Variants in SGCZ observed in about 807,000 individuals in gnomAD.
The protein encoded by SGCZ is sarcoglycan zeta, also known as zeta-sarcoglycan.
Under a neutral mutation model 41.3 loss-of-function variants are expected in SGCZ, and 40 were observed. The ratio of observed to expected loss-of-function variants is 0.97; its 90% CI spans 0.75 to 1.26. The LOEUF (loss-of-function observed/expected upper bound fraction) is 1.26, where lower values mean the gene tolerates loss of function less well. SGCZ is among the 50% of genes most tolerant of loss of function. SGCZ has a pLI of 0.00. For synonymous variants in SGCZ, 206 were observed against 137.5 expected (o/e 1.50, Z -3.49); for missense variants, 552 against 369.8 (o/e 1.49, Z -4.04).
At chr8:14,878,716 C>T (rs915744367) in intron 1 of SGCZ, among the ~76,000 whole-genome samples, 2 of 152,108 alleles carry the variant, frequency 1.3e-5, no homozygotes, top group Non-Finnish European at 2.9e-5. Context: ...CCTGTGGTGT[C>T]TAAGAGGCAA....
intron 2 of SGCZ, among the ~76,000 whole-genome samples, chr8:14,520,155 C>T (rs1281711362): frequency 6.6e-6 from 1 of 152,084 alleles, no homozygotes. Context: ...AATACATTAG[C>T]AAGTTGCAAT....
intron 1 of SGCZ, among the ~76,000 whole-genome samples, chr8:14,576,141 G>A (rs1804704851): frequency 6.6e-6 from 1 of 152,100 alleles, no homozygotes; most frequent in Non-Finnish European, 1.5e-5. Flanking sequence ...TAACTTGTAT[G>A]TGAGATTTGT....
At chr8:15,169,085 A>G (rs1318262167) in intron 1 of SGCZ, among the ~76,000 whole-genome samples, 1 of 152,194 alleles carries the variant, frequency 6.6e-6, no homozygotes, top group Non-Finnish European at 1.5e-5. Flanking sequence ...AACTCTAGTC[A>G]TGCAACCATA....
At chr8:14,475,670 T>C (rs1004610839) in intron 2 of SGCZ, among the ~76,000 whole-genome samples, 1 of 152,176 alleles carries the variant, frequency 6.6e-6, no homozygotes. Context: ...TTTCAGAATC[T>C]TTTAATGAGG....
chr8:15,102,439 A>G (rs558339034), intron 1 of SGCZ, among the ~76,000 whole-genome samples: 6 of 152,354 alleles, frequency 3.9e-5, no homozygotes, highest in African/African-American at 1.4e-4. Flanking sequence ...ATACTGTAAT[A>G]ATGAATAAAT....
intron 4 of SGCZ, among the ~76,000 whole-genome samples, chr8:14,208,033 G>C (rs1805674735): frequency 6.6e-6 from 1 of 152,116 alleles, no homozygotes; most frequent in Admixed American, 6.6e-5. Flanking sequence ...CCTACAAACA[G>C]AAAATGAAGT....
chr8:15,184,209 C>T (rs1053474506), intron 1 of SGCZ, among the ~76,000 whole-genome samples: 1 of 152,098 alleles, frequency 6.6e-6, no homozygotes, highest in African/African-American at 2.4e-5. Context: ...TATATACTGT[C>T]ACTAGTAGAA....
At chr8:14,627,617 T>C (rs1479214411) in intron 1 of SGCZ, among the ~76,000 whole-genome samples, 1 of 152,018 alleles carries the variant, frequency 6.6e-6, no homozygotes, top group Admixed American at 6.6e-5. Context: ...TTATTCCTAA[T>C]TTTAGATTTC....
chr8:14,434,671 G>A (rs1800037217), intron 2 of SGCZ, among the ~76,000 whole-genome samples: 1 of 152,080 alleles, frequency 6.6e-6, no homozygotes, highest in Admixed American at 6.6e-5. Context: ...ATTCCTTGTA[G>A]GGGTCTTTTA....
At position 14,106,272 on chromosome 8, in the gene SGCZ, A is replaced by G. The variant is rs2116994900; in HGVS notation, c.620+1891T>C. On this transcript the variant is annotated intron_variant, in intron 6 of 7. Transcript: ENST00000382080. ...TTTGTTAGGAGAAGAAAGATACAATAAATATTTTCACAAAAGTTGTTGAAT... is the reference window on the plus strand; with the variant it reads ...TTTGTTAGGAGAAGAAAGATACAATGAATATTTTCACAAAAGTTGTTGAAT... 2.0e-5 allele frequency among the ~76,000 whole-genome samples: 3 copies of G among 152,316 alleles called. No individual in the cohort carries two copies. The South Asian group carries it at 6.2e-4, about 32-fold the overall frequency.
chr8:14,797,756 G>A (rs1488729765), intron 1 of SGCZ, among the ~76,000 whole-genome samples: 4 of 152,138 alleles, frequency 2.6e-5, no homozygotes, highest in African/African-American at 9.7e-5. Context: ...GTTTCCTGGG[G>A]TGGGTCCAGG....
chr8:14,194,473 T>C (rs76530255), intron 4 of SGCZ, among the ~76,000 whole-genome samples: 72 of 152,018 alleles, frequency 4.7e-4, no homozygotes, highest in African/African-American at 1.7e-3. Context: ...ACTTCTCTCA[T>C]TGTGGTCATA....
intron 7 of SGCZ, among the ~76,000 whole-genome samples, chr8:14,095,199 C>T (rs1585128320): frequency 6.6e-6 from 1 of 152,062 alleles, no homozygotes; most frequent in Non-Finnish European, 1.5e-5. Flanking sequence ...AAGTCTTTGC[C>T]CGTGCCTATG....
chr8:14,360,197 G>C (rs1803458069), intron 2 of SGCZ, among the ~76,000 whole-genome samples: 1 of 151,894 alleles, frequency 6.6e-6, no homozygotes, highest in South Asian at 2.1e-4. Flanking sequence ...CTTAAAATCT[G>C]GAAAAAGACA....
intron 2 of SGCZ, among the ~76,000 whole-genome samples, chr8:14,467,517 T>G (rs574734200): frequency 1.3e-5 from 2 of 152,208 alleles, no homozygotes; most frequent in African/African-American, 4.8e-5. Context: ...TACAGGTGCC[T>G]GTCATGTGTT....
intron 1 of SGCZ, among the ~76,000 whole-genome samples, chr8:15,075,049 G>C (rs1403576841): frequency 2.0e-5 from 3 of 152,206 alleles, no homozygotes; most frequent in Non-Finnish European, 1.5e-5. Context: ...CCCTAAGCAA[G>C]ACTGTGTTGA....
intron 1 of SGCZ, among the ~76,000 whole-genome samples, chr8:14,595,211 T>A (rs1324349116): frequency 6.6e-6 from 1 of 152,184 alleles, no homozygotes; most frequent in Non-Finnish European, 1.5e-5. Context: ...TCCACTACTC[T>A]TTATGTAAAG....
Position 14,621,901 on chromosome 8 carries a change from T to C in SGCZ, c.40-66975A>G, listed in dbSNP as rs150522477. On this transcript the variant is annotated intron_variant, in intron 1 of 7. Transcript: ENST00000382080. Reference sequence around the variant, plus strand: ...GAGTCTCTCCTCTGTCATACACTTATATCTATAGAATAAGTAGGATCTCTC... The same window carrying C: ...GAGTCTCTCCTCTGTCATACACTTACATCTATAGAATAAGTAGGATCTCTC... Among the ~76,000 whole-genome samples the C allele has an allele frequency of 8.9e-3, 1,348 of 152,230 alleles. 20 individuals carry two copies. Among genetic ancestry groups the C allele is most frequent in the African/African-American group, 0.031 (1,273 of 41,546 alleles).
At chr8:14,750,313 C>T (rs1303009127) in intron 1 of SGCZ, among the ~76,000 whole-genome samples, 1 of 152,034 alleles carries the variant, frequency 6.6e-6, no homozygotes, top group African/African-American at 2.4e-5. Flanking sequence ...GGTTTTATGA[C>T]ATTAAAGATT....
Sources: gnomAD v4.1 joint callset for allele counts (sites outside exome capture counted in the v4.1 genomes callset) on GRCh38, gnomAD v4.1.1 for gene constraint, MANE v1.5 for transcripts, NCBI Gene and HGNC (gene_info 2026-07-23, HGNC 2026-07-21) for gene names.